Variants in PRKCB observed in about 807,000 individuals in gnomAD.
PRKCB encodes protein kinase C beta, also known as protein kinase C beta type.
Under a neutral mutation model 81.5 loss-of-function variants are expected in PRKCB, and 13 were observed. That is an observed-to-expected ratio of 0.16 (90% confidence interval 0.10 to 0.25). The LOEUF (loss-of-function observed/expected upper bound fraction) is 0.25. Ranked by LOEUF, PRKCB falls within the 10% of genes least tolerant of loss-of-function variation. The probability of loss-of-function intolerance (pLI) is 1.00; values close to 1 mark genes in which losing one functional copy is unlikely to be tolerated. For missense variants in PRKCB, 509 were observed against 875.7 expected (o/e 0.58, Z 5.29); for synonymous variants, 335 against 321.4 (o/e 1.04, Z -0.45).
chr16:24,088,079 C>T (rs1278545767), intron 5 of PRKCB, among the ~76,000 whole-genome samples: 1 of 152,212 alleles, frequency 6.6e-6, no homozygotes, highest in East Asian at 1.9e-4. Flanking sequence ...AAGTCGGTCT[C>T]GCCAAGTGTG....
chr16:23,918,537 C>T (rs1479246747), intron 2 of PRKCB, among the ~76,000 whole-genome samples: 1 of 152,064 alleles, frequency 6.6e-6, no homozygotes, highest in Non-Finnish European at 1.5e-5. Context: ...GCTGGGACTA[C>T]AGGCACACAC....
chr16:23,871,858 GTTTT>G (rs61498403), intron 2 of PRKCB, among the ~76,000 whole-genome samples: 2,328 of 146,888 alleles, frequency 0.016, 49 homozygotes, highest in South Asian at 0.061. Context: ...AGTTATACAG[GTTTT>G]TTTTTTTTTT....
intron 2 of PRKCB, among the ~76,000 whole-genome samples, chr16:23,914,375 G>A (rs1199196348): frequency 6.6e-6 from 1 of 152,056 alleles, no homozygotes; most frequent in Non-Finnish European, 1.5e-5. Context: ...TGGCAGTGGT[G>A]GTTCCTTTTC....
intron 2 of PRKCB, among the ~76,000 whole-genome samples, chr16:23,932,685 G>A (rs1011111524): frequency 1.3e-5 from 2 of 152,210 alleles, no homozygotes; most frequent in African/African-American, 4.8e-5. Flanking sequence ...AAGTGAAGCT[G>A]GCTCAGAGGT....
At chr16:23,836,637 A>C (rs1885200013) in intron 1 of PRKCB, among the ~76,000 whole-genome samples, 1 of 150,622 alleles carries the variant, frequency 6.6e-6, no homozygotes, top group African/African-American at 2.4e-5. Context: ...CCTTTGCTCC[A>C]CCTGACTAGG....
At chr16:23,900,133 G>A (rs1963446937) in intron 2 of PRKCB, among the ~76,000 whole-genome samples, 1 of 152,160 alleles carries the variant, frequency 6.6e-6, no homozygotes, top group Non-Finnish European at 1.5e-5. Flanking sequence ...AGTGGGTAGA[G>A]GCCAGGGATG....
chr16:24,212,634 G>A (rs1968162185), intron 16 of PRKCB, among the ~76,000 whole-genome samples: 1 of 151,744 alleles, frequency 6.6e-6, no homozygotes, highest in Non-Finnish European at 1.5e-5. Flanking sequence ...GCACCACCAT[G>A]CCCAGCTAAT....
intron 8 of PRKCB, among the ~76,000 whole-genome samples, chr16:24,115,967 C>T (rs528931048): frequency 1.4e-4 from 21 of 151,224 alleles, no homozygotes; most frequent in Admixed American, 1.0e-3. Context: ...CCTCGTGATC[C>T]GTCTGCCTCG....
At chr16:24,055,504 A>G (rs1202366676) in intron 5 of PRKCB, among the ~76,000 whole-genome samples, 4 of 152,234 alleles carry the variant, frequency 2.6e-5, no homozygotes, top group Non-Finnish European at 5.9e-5. Flanking sequence ...GCTTCAGCTC[A>G]GAGAATGTGG....
intron 5 of PRKCB, among the ~76,000 whole-genome samples, chr16:24,073,987 C>T (rs533196118): frequency 1.5e-4 from 23 of 152,078 alleles, no homozygotes; most frequent in Middle Eastern, 3.4e-3. Flanking sequence ...AAATATTAGC[C>T]GGGCGTGGTT....
At chr16:23,905,985 A>C (rs974029048) in intron 2 of PRKCB, among the ~76,000 whole-genome samples, 2 of 152,142 alleles carry the variant, frequency 1.3e-5, no homozygotes, top group African/African-American at 4.8e-5. Flanking sequence ...TGCTGTTGAG[A>C]GTCTTTAGCT....
At chr16:24,057,832 GA>G (rs1965923396) in intron 5 of PRKCB, among the ~76,000 whole-genome samples, 2 of 152,132 alleles carry the variant, frequency 1.3e-5, no homozygotes. Flanking sequence ...TTTGAAAGAT[GA>G]ATAGAAACTT....
At chr16:23,910,181 G>A (rs1331471580) in intron 2 of PRKCB, among the ~76,000 whole-genome samples, 1 of 152,006 alleles carries the variant, frequency 6.6e-6, no homozygotes, top group Admixed American at 6.6e-5. Flanking sequence ...GTCTCTGTGG[G>A]CTTGAGACCA....
chr16:23,854,406 A>T (rs1214724817), intron 2 of PRKCB, among the ~76,000 whole-genome samples: 1 of 152,042 alleles, frequency 6.6e-6, no homozygotes, highest in Non-Finnish European at 1.5e-5. Flanking sequence ...GTGGGTCAGT[A>T]ATTTGGGCTG....
chr16:23,906,319 CT>C lies in PRKCB; in HGVS notation c.205+68918del, dbSNP rs146654049. 4.9e-4 allele frequency among the ~76,000 whole-genome samples: 74 copies of C among 152,206 alleles called. 2 individuals are homozygous for C. In the East Asian group the frequency reaches 0.013, roughly 27 times the overall value. On this transcript the variant is annotated intron_variant, in intron 2 of 16. Coordinates refer to ENST00000643927, the MANE Select transcript of PRKCB (RefSeq NM_002738.7). ...ATTTTTATGTTTGAAAGCTCTATTT[CT>C]TTTTCTGTGAACTGCTTCTTCTTTT...
At chr16:23,851,666 C>T (rs1962474521) in intron 2 of PRKCB, among the ~76,000 whole-genome samples, 1 of 152,074 alleles carries the variant, frequency 6.6e-6, no homozygotes, top group African/African-American at 2.4e-5. Context: ...CTGTAGATTG[C>T]TTTGGCTAGT....
At chr16:23,879,141 G>C (rs1963064687) in intron 2 of PRKCB, among the ~76,000 whole-genome samples, 1 of 151,894 alleles carries the variant, frequency 6.6e-6, no homozygotes, top group Admixed American at 6.6e-5. Context: ...GCGTGTCACT[G>C]CACTCCAGCC....
chr16:24,140,204 G>A (rs452731), intron 9 of PRKCB, among the ~76,000 whole-genome samples: 30,888 of 152,114 alleles, frequency 0.2, 3,396 homozygotes, highest in South Asian at 0.31. Flanking sequence ...GAAGTCTGAC[G>A]CTTAAGAATA....
At chr16:23,854,489 G>T (rs1393130943) in intron 2 of PRKCB, among the ~76,000 whole-genome samples, 1 of 152,074 alleles carries the variant, frequency 6.6e-6, no homozygotes, top group Non-Finnish European at 1.5e-5. Flanking sequence ...ACCTTCCTGG[G>T]GCCTCAGCAG....
Sources: gnomAD v4.1 joint callset for allele counts (sites outside exome capture counted in the v4.1 genomes callset) on GRCh38, gnomAD v4.1.1 for gene constraint, MANE v1.5 for transcripts, NCBI Gene and HGNC (gene_info 2026-07-23, HGNC 2026-07-21) for gene names.